RIMS1: variants seen among roughly 807,000 people sequenced by gnomAD.
RIMS1 encodes regulating synaptic membrane exocytosis 1.
Under a neutral mutation model 214.1 loss-of-function variants are expected in RIMS1, and 83 were observed. The observed-to-expected ratio is 0.39, with a 90% CI of 0.32 to 0.47. The LOEUF is 0.47. RIMS1 is among the 20% of genes least tolerant of loss of function. The pLI, the probability that RIMS1 is intolerant of heterozygous loss-of-function variation, is 0.99. For synonymous variants in RIMS1, 793 were observed against 786.8 expected, an observed-to-expected ratio of 1.01 and a Z score of -0.13; for missense variants, 2,050 against 2,161.8, an observed-to-expected ratio of 0.95 and a Z score of 1.03.
intron 6 of RIMS1, among the ~76,000 whole-genome samples, chr6:72,208,422 A>G (rs1005450576): frequency 2.6e-5 from 4 of 152,328 alleles, no homozygotes; most frequent in South Asian, 4.1e-4. Flanking sequence ...CGTAAGATCA[A>G]TTATTAAAGT....
At position 72,283,905 on chromosome 6, in the gene RIMS1, T is replaced by A. The variant is rs150061501; in HGVS notation, c.3483-142T>A. 8.9e-4 allele frequency: 528 copies of A among 594,384 alleles called. 8 individuals carry two copies. The East Asian group carries it at 0.015, about 17-fold the overall frequency. 36.8% of individuals were successfully genotyped at this position (594,384 alleles called of 1,614,324 possible). ...TCATTCATTCATTCATTTATTTGTT[T>A]ATTTAGTTTTGAAAAGTACTGACTG... On this transcript the variant is annotated intron_variant, in intron 23 of 33. Transcript: ENST00000521978.
At chr6:72,380,197 T>C (rs1354936156) in intron 29 of RIMS1, among the ~76,000 whole-genome samples, 3 of 151,758 alleles carry the variant, frequency 2.0e-5, no homozygotes, top group Non-Finnish European at 2.9e-5. Flanking sequence ...AATTGAACAA[T>C]GGGAACACTT....
intron 28 of RIMS1, among the ~76,000 whole-genome samples, chr6:72,325,076 G>A (rs1283156485): frequency 1.3e-5 from 2 of 151,558 alleles, no homozygotes; most frequent in Non-Finnish European, 1.5e-5. Flanking sequence ...CCTGACCCAG[G>A]TAGATCCTGA....
intron 2 of RIMS1, among the ~76,000 whole-genome samples, chr6:71,983,264 G>T (rs1798948073): frequency 6.6e-6 from 1 of 151,824 alleles, no homozygotes; most frequent in Non-Finnish European, 1.5e-5. Context: ...CCTAATTGTT[G>T]TAAAAAAGGG....
intron 29 of RIMS1, among the ~76,000 whole-genome samples, chr6:72,352,632 T>C (rs1290803833): frequency 1.3e-5 from 2 of 152,220 alleles, no homozygotes; most frequent in African/African-American, 4.8e-5. Flanking sequence ...CTCTCCTCTG[T>C]GCAGTGGTTC....
intron 29 of RIMS1, among the ~76,000 whole-genome samples, chr6:72,382,900 A>G (rs761246320): frequency 2.2e-4 from 33 of 152,206 alleles, no homozygotes; most frequent in Non-Finnish European, 4.0e-4. Flanking sequence ...CAGTCTCTCA[A>G]TAAGTCCAAT....
chr6:72,275,159 TATATATATATATATATATATATG>T (rs1428770353), intron 23 of RIMS1, among the ~76,000 whole-genome samples: 6 of 87,022 alleles, frequency 6.9e-5, no homozygotes, highest in Middle Eastern at 5.6e-3. Context: ...TATATATATA[TATATATATATATATATATATATG>T]CTTTATCTTT....
chr6:72,016,953 C>G (rs1266972335), intron 2 of RIMS1, among the ~76,000 whole-genome samples: 2 of 152,130 alleles, frequency 1.3e-5, no homozygotes, highest in Non-Finnish European at 2.9e-5. Context: ...TATCTTTGCT[C>G]TGGTGAGGAA....
chr6:72,083,049 A>C (rs1335603409), intron 2 of RIMS1, among the ~76,000 whole-genome samples: 2 of 152,208 alleles, frequency 1.3e-5, no homozygotes, highest in African/African-American at 2.4e-5. Context: ...TAGGTAACAC[A>C]TGCCTGAACA....
At chr6:72,045,443 G>T (rs544850175) in intron 2 of RIMS1, among the ~76,000 whole-genome samples, 17 of 151,944 alleles carry the variant, frequency 1.1e-4, no homozygotes, top group Middle Eastern at 3.4e-3. Flanking sequence ...CACTTTAGTA[G>T]ACTGGGAAAT....
At chr6:71,893,939 C>T (rs1177361405) in intron 1 of RIMS1, among the ~76,000 whole-genome samples, 2 of 152,202 alleles carry the variant, frequency 1.3e-5, no homozygotes, top group African/African-American at 2.4e-5. Flanking sequence ...GTAACCCCTT[C>T]TCTCAATTTT....
chr6:72,074,254 G>C (rs536772029), intron 2 of RIMS1, among the ~76,000 whole-genome samples: 1 of 152,126 alleles, frequency 6.6e-6, no homozygotes, highest in African/African-American at 2.4e-5. Context: ...CATTCATAAT[G>C]GATTGTGTTA....
At chr6:71,915,924 C>G (rs1012605879) in intron 1 of RIMS1, among the ~76,000 whole-genome samples, 1 of 151,976 alleles carries the variant, frequency 6.6e-6, no homozygotes, top group Non-Finnish European at 1.5e-5. Flanking sequence ...GGGGAACTCT[C>G]CTTTATAAAA....
At chr6:72,023,804 T>C (rs946000341) in intron 2 of RIMS1, among the ~76,000 whole-genome samples, 3 of 152,116 alleles carry the variant, frequency 2.0e-5, no homozygotes, top group Non-Finnish European at 2.9e-5. Flanking sequence ...CATAGAGATA[T>C]TTACTTCATA....
intron 13 of RIMS1, 24 bp downstream of exon 13, chr6:72,250,484 A>C: frequency 6.8e-7 from 1 of 1,466,176 alleles, no homozygotes; most frequent in Non-Finnish European, 9.3e-7. Context: ...TTAGAAAAAA[A>C]AAATCTTAAA....
intron 2 of RIMS1, among the ~76,000 whole-genome samples, chr6:71,984,677 A>AGC (rs1259678683): frequency 6.6e-6 from 1 of 152,128 alleles, no homozygotes; most frequent in Non-Finnish European, 1.5e-5. Flanking sequence ...CATAGAAACA[A>AGC]GCAGAACATT....
chr6:72,365,641 A>T (rs1482356308), intron 29 of RIMS1: 1 of 152,218 alleles, frequency 6.6e-6, no homozygotes, highest in Non-Finnish European at 1.5e-5. Flanking sequence ...ATAAACCAGG[A>T]TTATCCTGGT....
chr6:72,202,634 C>T lies in RIMS1; in HGVS notation c.1678+19485C>T, dbSNP rs578116729. ...ATAATATTCATAGGAGGAAAGAGAC[C>T]AAGTCCTGTAGATGTTTGTGTACGT... On this transcript the variant is annotated intron_variant, in intron 6 of 33. Coordinates refer to ENST00000521978, the MANE Select transcript of RIMS1 (RefSeq NM_014989.7). 1.6e-4 allele frequency among the ~76,000 whole-genome samples: 24 copies of T among 152,194 alleles called. No homozygotes were observed. In the East Asian group the frequency reaches 4.1e-3, roughly 26 times the overall value.
At chr6:71,991,092 C>G (rs1295273912) in intron 2 of RIMS1, among the ~76,000 whole-genome samples, 2 of 151,974 alleles carry the variant, frequency 1.3e-5, no homozygotes, top group Non-Finnish European at 2.9e-5. Flanking sequence ...TTTATAAGGT[C>G]AAAATTACCA....
Sources: allele counts gnomAD v4.1 joint callset (sites outside exome capture counted in the v4.1 genomes callset), GRCh38; gene constraint gnomAD v4.1.1; transcripts MANE v1.5; gene names NCBI Gene and HGNC (gene_info 2026-07-23, HGNC 2026-07-21).